Variants in KCNH5 observed in about 807,000 individuals in gnomAD.
KCNH5 encodes the protein voltage-gated delayed rectifier potassium channel KCNH5.
KCNH5 carries 46 observed loss-of-function variants against 96.1 expected under a neutral mutation model. That is an observed-to-expected ratio of 0.48 (90% CI 0.38 to 0.61). KCNH5 has a LOEUF of 0.61. Among genes scored for constraint, KCNH5 ranks in the 20% least tolerant of loss-of-function variants. The pLI is 0.00. For missense variants in KCNH5, 907 were observed against 1,225.8 expected, an observed-to-expected ratio of 0.74 and a Z score of 3.88; for synonymous variants, 439 against 449.8, an observed-to-expected ratio of 0.98 and a Z score of 0.30.
chr14:62,777,281 A>G (rs903780963), intron 10 of KCNH5, among the ~76,000 whole-genome samples: 2 of 152,226 alleles, frequency 1.3e-5, no homozygotes, highest in Non-Finnish European at 2.9e-5. Flanking sequence ...TTTTAGAATC[A>G]TAGAGATGAA....
intron 1 of KCNH5, among the ~76,000 whole-genome samples, chr14:63,033,134 G>T (rs1276124157): frequency 6.6e-6 from 1 of 152,062 alleles, no homozygotes; most frequent in Non-Finnish European, 1.5e-5. Flanking sequence ...AGACCTAACT[G>T]GTCTCCCACT....
chr14:62,735,379 T>C (rs866804104), intron 10 of KCNH5, among the ~76,000 whole-genome samples: 12 of 152,104 alleles, frequency 7.9e-5, no homozygotes, highest in Admixed American at 3.9e-4. Flanking sequence ...TTCAGGAACA[T>C]GTGAGATACC....
intron 8 of KCNH5, among the ~76,000 whole-genome samples, chr14:62,842,425 T>C (rs1250888672): frequency 6.6e-6 from 1 of 152,238 alleles, no homozygotes; most frequent in Non-Finnish European, 1.5e-5. Context: ...ATGCTTACTT[T>C]GTAATATTTC....
intron 1 of KCNH5, among the ~76,000 whole-genome samples, chr14:63,038,198 A>C (rs183758762): frequency 6.6e-6 from 1 of 152,334 alleles, no homozygotes. Context: ...TGGCTTGGGG[A>C]AAGAATTAAT....
chr14:62,837,911 G>C (rs1489629782), intron 8 of KCNH5, among the ~76,000 whole-genome samples: 10 of 152,126 alleles, frequency 6.6e-5, no homozygotes, highest in African/African-American at 2.4e-4. Flanking sequence ...GATCTTAATT[G>C]AAACAGGTGG....
In KCNH5 at chr14:63,001,372, A is replaced by G; in HGVS notation, c.392T>C (p.Ile131Thr). 1.2e-6 allele frequency: 2 copies of G among 1,612,696 alleles called. No individual in the cohort carries two copies. Among genetic ancestry groups the G allele is most frequent in the East Asian group, 2.2e-5 (1 of 44,786 alleles). The change falls in exon 4 of 11, where the codon ATT (isoleucine) becomes ACT (threonine). Residue 131 changes from isoleucine (I) to threonine (T), a missense_variant. Ile to Thr is a moderately conservative substitution (Grantham distance 89, BLOSUM62 -1). This residue lies in a region of KCNH5 where 370 missense variants were observed against 561.3 expected (regional missense o/e 0.66). Coordinates refer to ENST00000322893, the MANE Select transcript of KCNH5 (RefSeq NM_139318.5). ...VVLFLCTFKD[I>T]TLFKQPIEDD... ...CTCTATTGGCTGTTTGAACAACGTA[A>G]TATCCTTGAAAGTACACAGGAACAA... is the stretch of plus-strand genomic sequence containing the variant.
At position 62,814,389 on chromosome 14, in the gene KCNH5, G is replaced by A. The variant is rs182665861; in HGVS notation, c.1570-11808C>T. 3.3e-4 allele frequency among the ~76,000 whole-genome samples: 50 copies of A among 152,132 alleles called. 1 individual carries two copies. In the East Asian group the frequency reaches 8.3e-3, roughly 25 times the overall value. Reference sequence around the variant, plus strand: ...AATCTCGTGTCTTTACTGTCTTACAGGCAGATATTTGACTAAATAACAGTG... The same window carrying A: ...AATCTCGTGTCTTTACTGTCTTACAAGCAGATATTTGACTAAATAACAGTG... On this transcript the variant is annotated intron_variant, in intron 8 of 10. Coordinates refer to ENST00000322893, the MANE Select transcript of KCNH5 (RefSeq NM_139318.5).
rs552416137 is a variant in KCNH5 at position 62,854,021 on chromosome 14, A to C, written c.1370-4169T>G. ...GACTCTGTCAAAAAAAAAAAAAACA[A>C]AAAAAACAAAAAAAACAACCCTCAT... is the stretch of plus-strand genomic sequence containing the variant. On this transcript the variant is annotated intron_variant, in intron 7 of 10. Coordinates refer to ENST00000322893, the MANE Select transcript of KCNH5 (RefSeq NM_139318.5). 2.3e-3 allele frequency among the ~76,000 whole-genome samples: 342 copies of C among 150,326 alleles called. 8 individuals are homozygous for C. The highest frequency in any genetic ancestry group is 8.0e-3 in the African/African-American group (326 of 40,560).
chr14:62,864,235 C>T (rs139272888), intron 7 of KCNH5, among the ~76,000 whole-genome samples: 2 of 152,030 alleles, frequency 1.3e-5, no homozygotes, highest in African/African-American at 2.4e-5. Flanking sequence ...TTACAATAAC[C>T]CTGAATAATT....
rs1296862356 is a variant in KCNH5, at chr14:62,736,748, C to T, written c.2020-28293G>A. On this transcript the variant is annotated intron_variant, in intron 10 of 10. Transcript: ENST00000322893. Reference sequence around the variant, plus strand: ...GTCTGTAAGAGAAAGCACTCCTGACCAAAATTGGCCAGAAGTCCGTCTCAG... The same window carrying T: ...GTCTGTAAGAGAAAGCACTCCTGACTAAAATTGGCCAGAAGTCCGTCTCAG... 2.0e-5 allele frequency among the ~76,000 whole-genome samples: 3 copies of T among 152,144 alleles called. No individual in the cohort carries two copies. In the East Asian group the frequency reaches 5.8e-4, roughly 29 times the overall value.
chr14:62,721,555 G>A (rs1346961019), intron 10 of KCNH5, among the ~76,000 whole-genome samples: 1 of 151,480 alleles, frequency 6.6e-6, no homozygotes, highest in Admixed American at 6.6e-5. Flanking sequence ...CTGTATTGAA[G>A]GGTTCAGGCT....
chr14:62,923,302 G>A (rs1416283762), intron 7 of KCNH5, among the ~76,000 whole-genome samples: 1 of 151,774 alleles, frequency 6.6e-6, no homozygotes, highest in African/African-American at 2.4e-5. Flanking sequence ...CTATAAAACA[G>A]TGGTGAAAGA....
chr14:62,809,429 C>A (rs938159647), intron 8 of KCNH5, among the ~76,000 whole-genome samples: 1 of 151,944 alleles, frequency 6.6e-6, no homozygotes, highest in Non-Finnish European at 1.5e-5. Flanking sequence ...TCATACCTTG[C>A]CTACACAGTC....
intron 10 of KCNH5, among the ~76,000 whole-genome samples, chr14:62,770,139 T>C (rs1885954115): frequency 6.6e-6 from 1 of 152,188 alleles, no homozygotes; most frequent in Admixed American, 6.5e-5. Context: ...GGAACACCCA[T>C]TGTCACTCCT....
intron 8 of KCNH5, among the ~76,000 whole-genome samples, chr14:62,803,218 CAA>C (rs143075863): frequency 0.033 from 5,021 of 152,210 alleles, 192 homozygotes; most frequent in African/African-American, 0.099. Context: ...GTCATTTCAT[CAA>C]AGAGTCAAGT....
intron 7 of KCNH5, among the ~76,000 whole-genome samples, chr14:62,941,096 C>T (rs1056392925): frequency 6.6e-6 from 1 of 152,128 alleles, no homozygotes; most frequent in African/African-American, 2.4e-5. Flanking sequence ...TCAAAAGTAT[C>T]TAGTGTTTCT....
chr14:63,003,876 T>TTCCAAAGTGCTGAGA (rs1434604699), intron 3 of KCNH5, among the ~76,000 whole-genome samples: 1 of 151,660 alleles, frequency 6.6e-6, no homozygotes, highest in Non-Finnish European at 1.5e-5. Context: ...CGCCTCGGCC[T>TTCCAAAGTGCTGAGA]TCCAAAGTGC....
chr14:62,912,566 C>G (rs1268899938), intron 7 of KCNH5, among the ~76,000 whole-genome samples: 2 of 152,006 alleles, frequency 1.3e-5, no homozygotes, highest in African/African-American at 4.8e-5. Flanking sequence ...GCCACCACAC[C>G]CAGCTATTTT....
chr14:63,014,958 C>T (rs1891298093), intron 2 of KCNH5, among the ~76,000 whole-genome samples: 3 of 152,012 alleles, frequency 2.0e-5, no homozygotes. Flanking sequence ...ACTTAAACTG[C>T]CTTCTGGGGG....
Sources: gnomAD v4.1 joint callset for allele counts (sites outside exome capture counted in the v4.1 genomes callset) on GRCh38, gnomAD v4.1.1 for gene constraint, gnomAD v4.1.1 regional missense constraint, MANE v1.5 for transcripts, NCBI Gene and HGNC (gene_info 2026-07-23, HGNC 2026-07-21) for gene names.